Variants in TTC28 observed in about 807,000 individuals in gnomAD.
TTC28 encodes the protein tetratricopeptide repeat protein 28.
In TTC28, 61 loss-of-function variants were observed where a neutral mutation model predicts 198.0. The ratio of observed to expected loss-of-function variants is 0.31; its 90% CI spans 0.25 to 0.38. The LOEUF (loss-of-function observed/expected upper bound fraction) is 0.38. Among genes scored for constraint, TTC28 ranks in the 10% least tolerant of loss-of-function variants. The pLI is 1.00. For synonymous variants in TTC28, 1,171 were observed against 1,297.8 expected (o/e 0.90, Z 2.10); for missense variants, 2,678 against 3,164.0 (o/e 0.85, Z 3.69).
intron 2 of TTC28, among the ~76,000 whole-genome samples, chr22:28,349,208 C>T (rs2045953639): frequency 6.6e-6 from 1 of 152,076 alleles, no homozygotes; most frequent in African/African-American, 2.4e-5. Context: ...CATGTACACA[C>T]CCATAAAATG....
intron 12 of TTC28, among the ~76,000 whole-genome samples, chr22:28,079,966 C>T (rs1051004183): frequency 2.0e-5 from 3 of 152,168 alleles, no homozygotes; most frequent in Non-Finnish European, 2.9e-5. Context: ...TGGGCTCAAG[C>T]GATCCTCCTG....
At chr22:27,990,033 A>T in intron 20 of TTC28, 26 bp from the exon 21 acceptor site, 1 of 1,540,456 alleles carries the variant, frequency 6.5e-7, no homozygotes, top group Non-Finnish European at 8.8e-7. Context: ...CAGCGTGAGC[A>T]CCCTGTGTCT....
intron 5 of TTC28, among the ~76,000 whole-genome samples, chr22:28,199,548 T>TATATATATAC (rs60177369): frequency 6.8e-6 from 1 of 147,472 alleles, no homozygotes; most frequent in Non-Finnish European, 1.5e-5. Context: ...TATATATATA[T>TATATATATAC]ACACACAAAC....
rs549997500 is a variant in TTC28, at chr22:28,576,911, TA to T, written c.381+52640del. On this transcript the variant is annotated intron_variant, in intron 2 of 22. Transcript: ENST00000397906. ...GCTAAAGGTTTGTCGATTTTATCTT[TA>T]AAAAAAACTTTTCATTTTGTTGATC... Among the ~76,000 whole-genome samples the T allele has an allele frequency of 2.8e-3, 429 of 151,928 alleles. 4 individuals carry two copies. The highest frequency in any genetic ancestry group is 5.0e-3 in the Non-Finnish European group (341 of 67,838).
chr22:28,024,207 T>C (rs1938728722), intron 13 of TTC28, among the ~76,000 whole-genome samples: 1 of 152,126 alleles, frequency 6.6e-6, no homozygotes, highest in Non-Finnish European at 1.5e-5. Context: ...TGTGGCTCCC[T>C]ACCCGCAGAT....
chr22:28,629,448 T>C (rs1014106756), intron 2 of TTC28, 104 bp downstream of exon 2: 2 of 1,185,236 alleles, frequency 1.7e-6, no homozygotes, highest in South Asian at 1.7e-5. Context: ...TACAGATTAT[T>C]AAAATATTAG....
intron 2 of TTC28, among the ~76,000 whole-genome samples, chr22:28,340,824 A>G (rs182516692): frequency 2.5e-4 from 38 of 152,352 alleles, no homozygotes; most frequent in African/African-American, 8.9e-4. Flanking sequence ...TGATTTATAC[A>G]TACAGGAACC....
At chr22:28,130,550 T>A (rs532685391) in intron 6 of TTC28, among the ~76,000 whole-genome samples, 1 of 152,264 alleles carries the variant, frequency 6.6e-6, no homozygotes, top group Non-Finnish European at 1.5e-5. Context: ...TAGCTTTACA[T>A]ATAAATATGT....
At chr22:28,446,128 G>A (rs1030385860) in intron 2 of TTC28, among the ~76,000 whole-genome samples, 4 of 152,182 alleles carry the variant, frequency 2.6e-5, no homozygotes, top group East Asian at 1.9e-4. Flanking sequence ...ATACCGAGCC[G>A]GTATCTAAAA....
chr22:28,369,634 TAAAA>T (rs1234291125), intron 2 of TTC28, among the ~76,000 whole-genome samples: 3 of 152,168 alleles, frequency 2.0e-5, no homozygotes, highest in African/African-American at 7.2e-5. Context: ...TTCATCACCT[TAAAA>T]AGAAATGTCA....
intron 2 of TTC28, among the ~76,000 whole-genome samples, chr22:28,345,253 T>C (rs1348209180): frequency 6.6e-6 from 1 of 152,188 alleles, no homozygotes; most frequent in East Asian, 1.9e-4. Flanking sequence ...TATGTCATAC[T>C]ACAGCCAATA....
At chr22:28,033,602 C>A (rs1283422219) in intron 12 of TTC28, among the ~76,000 whole-genome samples, 3 of 152,184 alleles carry the variant, frequency 2.0e-5, no homozygotes, top group Non-Finnish European at 2.9e-5. Context: ...CCAATCTCTA[C>A]TAGAGTTAAC....
chr22:28,246,293 C>T (rs1439309325), intron 5 of TTC28, among the ~76,000 whole-genome samples: 6 of 152,200 alleles, frequency 3.9e-5, no homozygotes, highest in South Asian at 2.1e-4. Flanking sequence ...TACATCAGTG[C>T]TGTTTTGAGG....
At chr22:28,270,279 G>A (rs1931972904) in intron 5 of TTC28, among the ~76,000 whole-genome samples, 1 of 152,136 alleles carries the variant, frequency 6.6e-6, no homozygotes, top group African/African-American at 2.4e-5. Flanking sequence ...TCCTAAAACT[G>A]TATTTTTTAA....
chr22:28,538,172 C>T (rs2049335358), intron 2 of TTC28, among the ~76,000 whole-genome samples: 1 of 152,152 alleles, frequency 6.6e-6, no homozygotes, highest in Non-Finnish European at 1.5e-5. Context: ...GAAGCCTCAA[C>T]CTCCCAGGCT....
In TTC28 at chr22:27,985,319, G is replaced by A; in HGVS notation, c.5745C>T (p.Ile1915=). 6.4e-7 allele frequency: 1 copy of A among 1,551,498 alleles called. No homozygotes were observed. Among genetic ancestry groups the A allele is most frequent in the Non-Finnish European group, 8.7e-7 (1 of 1,146,856 alleles). ...DLCEVGQEEV[I]LKTGKQANRR... is the part of the protein sequence containing the mutation. ...GATTAGCTTGCTTCCCGGTTTTCAG[G>A]ATTACTTCCTCCTGACCAACTTCAC... Residue 1915 remains isoleucine, a synonymous_variant, in exon 22 of 23, where the codon ATC becomes ATT. Transcript: ENST00000397906.
chr22:28,011,982 C>A (rs1938183019), intron 14 of TTC28, among the ~76,000 whole-genome samples: 1 of 152,140 alleles, frequency 6.6e-6, no homozygotes, highest in Non-Finnish European at 1.5e-5. Flanking sequence ...CAAAGGGAGA[C>A]AGGCAAAGGC....
intron 12 of TTC28, among the ~76,000 whole-genome samples, chr22:28,087,934 A>C (rs1482557664): frequency 1.3e-5 from 2 of 152,190 alleles, no homozygotes; most frequent in East Asian, 3.8e-4. Flanking sequence ...AGAATAAAAT[A>C]CCTAGGAATC....
intron 2 of TTC28, among the ~76,000 whole-genome samples, chr22:28,629,017 A>G (rs2051124429): frequency 6.6e-6 from 1 of 152,116 alleles, no homozygotes; most frequent in Non-Finnish European, 1.5e-5. Context: ...TTAGGTTAGG[A>G]GTATGCACAC....
Sources: allele counts gnomAD v4.1 joint callset (sites outside exome capture counted in the v4.1 genomes callset), GRCh38; gene constraint gnomAD v4.1.1; transcripts MANE v1.5; gene names NCBI Gene and HGNC (gene_info 2026-07-23, HGNC 2026-07-21).